The following MITF variants were observed in gnomAD, a reference collection of about 807,000 sequenced individuals.
MITF encodes the protein microphthalmia-associated transcription factor.
In MITF, 17 loss-of-function variants were observed where a neutral mutation model predicts 60.5. The ratio of observed to expected loss-of-function variants is 0.28; its 90% confidence interval spans 0.19 to 0.42. MITF has a LOEUF of 0.42. Ranked by LOEUF, MITF falls within the 10% of genes least tolerant of loss-of-function variation. The pLI is 1.00. For missense variants in MITF, 622 were observed against 683.5 expected (o/e 0.91, Z 1.00); for synonymous variants, 260 against 248.5 (o/e 1.05, Z -0.43).
At chr3:69,926,583 C>T (rs948259665) in intron 2 of MITF, among the ~76,000 whole-genome samples, 5 of 152,078 alleles carry the variant, frequency 3.3e-5, no homozygotes, top group Non-Finnish European at 5.9e-5. Flanking sequence ...AACAAAAAGA[C>T]GTCTGCGATT....
chr3:69,878,736 T>C (rs530589814), intron 1 of MITF, among the ~76,000 whole-genome samples: 17 of 152,276 alleles, frequency 1.1e-4, no homozygotes, highest in East Asian at 3.9e-4. Flanking sequence ...TTTGGTTAGA[T>C]TCAGTTATAC....
intron 2 of MITF, among the ~76,000 whole-genome samples, chr3:69,931,946 C>T (rs1378343224): frequency 6.6e-6 from 1 of 152,202 alleles, no homozygotes; most frequent in Non-Finnish European, 1.5e-5. Context: ...TTTTCTTTAG[C>T]TTTAAAAAGG....
intron 9 of MITF, among the ~76,000 whole-genome samples, chr3:69,962,503 C>T (rs1367516593): frequency 6.6e-6 from 1 of 152,160 alleles, no homozygotes; most frequent in African/African-American, 2.4e-5. Context: ...TGAAACGTGG[C>T]TTTGCAGGCA....
At chr3:69,882,282 G>C (rs2064507433) in intron 2 of MITF, among the ~76,000 whole-genome samples, 1 of 152,050 alleles carries the variant, frequency 6.6e-6, no homozygotes, top group African/African-American at 2.4e-5. Context: ...GTAAGTTCAT[G>C]AATCTTTGTA....
chr3:69,834,391 C>T (rs2063505312), intron 1 of MITF, among the ~76,000 whole-genome samples: 2 of 152,092 alleles, frequency 1.3e-5, no homozygotes. Flanking sequence ...TGTTTTACCC[C>T]TTAGATTTCA....
chr3:69,808,066 A>G (rs2063038819), intron 1 of MITF, among the ~76,000 whole-genome samples: 1 of 148,820 alleles, frequency 6.7e-6, no homozygotes, highest in Non-Finnish European at 1.5e-5. Context: ...AGAATGAGAC[A>G]TAGTATGTAT....
At chr3:69,934,103 G>T (rs2065780679) in intron 2 of MITF, among the ~76,000 whole-genome samples, 1 of 152,162 alleles carries the variant, frequency 6.6e-6, no homozygotes, top group South Asian at 2.1e-4. Flanking sequence ...TGCTGGTGCA[G>T]TGATGATGCT....
intron 2 of MITF, among the ~76,000 whole-genome samples, chr3:69,916,337 G>T (rs1051549113): frequency 1.3e-5 from 2 of 152,024 alleles, no homozygotes; most frequent in Non-Finnish European, 1.5e-5. Flanking sequence ...TTTTATGAAC[G>T]TGTTCACATC....
At chr3:69,761,417 G>C (rs2062210386) in intron 1 of MITF, among the ~76,000 whole-genome samples, 1 of 152,148 alleles carries the variant, frequency 6.6e-6, no homozygotes, top group African/African-American at 2.4e-5. Context: ...AAATAAGGTT[G>C]AACCGCGATT....
intron 1 of MITF, among the ~76,000 whole-genome samples, chr3:69,804,828 A>G (rs2062979424): frequency 6.6e-6 from 1 of 152,204 alleles, no homozygotes; most frequent in Non-Finnish European, 1.5e-5. Context: ...CAGCGTGATG[A>G]CGTCTCTAGA....
At chr3:69,899,898 C>G (rs1270538121) in intron 2 of MITF, among the ~76,000 whole-genome samples, 1 of 152,100 alleles carries the variant, frequency 6.6e-6, no homozygotes, top group African/African-American at 2.4e-5. Context: ...TGATGTCTCT[C>G]CTTGGGGTCT....
Position 69,810,131 on chromosome 3 carries a change from G to A in MITF, c.105-69003G>A, listed in dbSNP as rs141023760. ...TCATCTACCCTTGGTCCTCTGTCCT[G>A]AGCCTCATACTGACTGGCCAGAAAA... On this transcript the variant is annotated intron_variant, in intron 1 of 9. Coordinates refer to ENST00000352241, the MANE Select transcript of MITF (RefSeq NM_001354604.2). Among the ~76,000 whole-genome samples the A allele has an allele frequency of 4.8e-3, 724 of 152,184 alleles. 7 individuals carry two copies. The highest frequency in any genetic ancestry group is 0.016 in the African/African-American group (665 of 41,522).
intron 1 of MITF, among the ~76,000 whole-genome samples, chr3:69,845,906 G>A (rs2063724327): frequency 6.6e-6 from 1 of 152,130 alleles, no homozygotes; most frequent in Non-Finnish European, 1.5e-5. Flanking sequence ...TGCATGTGTA[G>A]GTAAAAAGAA....
At position 69,941,344 on chromosome 3, in the gene MITF, T is replaced by G. The variant is rs770959510; in HGVS notation, c.762+13T>G. ...AATGGCAAATACGGTATTGATAACC[T>G]TTTTTTAAGTAGAAAATCTTGAGGT... On this transcript the variant is annotated intron_variant, in intron 5 of 9. Coordinates refer to ENST00000352241, the MANE Select transcript of MITF (RefSeq NM_001354604.2). 5.2e-6 allele frequency: 8 copies of G among 1,538,666 alleles called. No homozygotes were observed. The highest frequency in any genetic ancestry group is 4.5e-5 in the South Asian group (4 of 89,072).
chr3:69,868,019 G>T (rs778900089), intron 1 of MITF, among the ~76,000 whole-genome samples: 4 of 152,134 alleles, frequency 2.6e-5, no homozygotes, highest in African/African-American at 4.8e-5. Flanking sequence ...GGAAAGAAAA[G>T]GAACATGATA....
In MITF at chr3:69,763,866, G is replaced by T. The variant is rs1220357607; in HGVS notation, c.104+24165G>T. ...AATGGGACACCTTGAAAATACTTCA[G>T]TGGTTTTCCCACGAGCTATTTTCTC... On this transcript the variant is annotated intron_variant, in intron 1 of 9. Transcript: ENST00000352241. The T allele has an allele frequency of 4.4e-6, 6 of 1,376,182 alleles. No homozygotes were observed. The Admixed American group carries it at 1.0e-4, about 24-fold the overall frequency. 85.2% of individuals were successfully genotyped at this position (1,376,182 alleles called of 1,614,324 possible).
rs199956292 is a variant in MITF at position 69,807,254 on chromosome 3, A to T, written c.104+67553A>T. ...TTTCTGGAGCCAGGTTAAGAATGAG[A>T]TAGTCTGCCCCCAACCCCAGGAATG... On this transcript the variant is annotated intron_variant, in intron 1 of 9. Coordinates refer to ENST00000352241, the MANE Select transcript of MITF (RefSeq NM_001354604.2). Among the ~76,000 whole-genome samples the T allele has an allele frequency of 9.9e-5, 15 of 152,270 alleles. No individual in the cohort carries two copies. The East Asian group carries it at 2.3e-3, about 24-fold the overall frequency.
chr3:69,937,989 G>A lies in MITF; in HGVS notation c.522G>A (p.Gly174=), dbSNP rs1245211887. The change falls in exon 3 of 10, where the codon GGG becomes GGA. Residue 174 remains glycine (G), a synonymous_variant. Transcript: ENST00000352241. ...ATCATGTCATGCCACCGGTGCCGGGGAGCAGCGCACCCAACAGCCCCATGG... is the reference window on the plus strand; with the variant it reads ...ATCATGTCATGCCACCGGTGCCGGGAAGCAGCGCACCCAACAGCCCCATGG... ...PGDHVMPPVP[G]SSAPNSPMAM... 3 of 1,614,040 alleles carry A rather than the reference G, an allele frequency of 1.9e-6. No homozygotes were observed. Among genetic ancestry groups the A allele is most frequent in the African/African-American group, 1.3e-5 (1 of 74,940 alleles).
At chr3:69,905,605 G>A (rs2065082059) in intron 2 of MITF, among the ~76,000 whole-genome samples, 1 of 152,068 alleles carries the variant, frequency 6.6e-6, no homozygotes, top group Non-Finnish European at 1.5e-5. Flanking sequence ...CACCAGCAAT[G>A]TATGAGAGTT....
Sources: allele counts gnomAD v4.1 joint callset (sites outside exome capture counted in the v4.1 genomes callset), GRCh38; gene constraint gnomAD v4.1.1; transcripts MANE v1.5; gene names NCBI Gene and HGNC (gene_info 2026-07-23, HGNC 2026-07-21).